Variants in AGGF1 observed in about 807,000 individuals in gnomAD.
AGGF1 encodes the protein angiogenic factor with G-patch and FHA domains 1, also known as angiogenic factor with G patch and FHA domains 1.
A neutral mutation model predicts 86.5 loss-of-function variants in AGGF1; 56 were observed. The observed-to-expected ratio is 0.65, with a 90% CI of 0.52 to 0.81. The LOEUF is 0.81. Among genes scored for constraint, AGGF1 ranks in the 30% least tolerant of loss-of-function variants. The pLI is 0.00. For missense variants in AGGF1, 816 were observed against 850.9 expected (o/e 0.96, Z 0.51); for synonymous variants, 313 against 297.1 (o/e 1.05, Z -0.55).
At position 77,063,224 on chromosome 5, in the gene AGGF1, T is replaced by C. The variant is rs1445710657; in HGVS notation, c.2117T>C (p.Met706Thr). ...CCTCAAAAAGATGACCCAGGGACCATGCCTTGGGTAAAAGGGACTTTAGAG... is the reference window on the plus strand; with the variant it reads ...CCTCAAAAAGATGACCCAGGGACCACGCCTTGGGTAAAAGGGACTTTAGAG... ...TKPQKDDPGTMPWVKGTLE is the reference protein window; with the variant it reads ...TKPQKDDPGTTPWVKGTLE Residue 706 changes from methionine to threonine, a missense_variant, in exon 14 of 14, where the codon ATG becomes ACG. Physicochemically the swap from Met to Thr is moderately conservative, Grantham distance 81 (BLOSUM62 -1). Around this residue, in one of 3 missense-constraint regions of AGGF1, gnomAD observed 565 missense variants for 585.8 expected, o/e 0.96. Coordinates refer to ENST00000312916, the MANE Select transcript of AGGF1 (RefSeq NM_018046.5). 6.2e-7 allele frequency: 1 copy of C among 1,613,768 alleles called. No homozygotes were observed. Among genetic ancestry groups the C allele is most frequent in the South Asian group, 1.1e-5 (1 of 91,080 alleles).
chr5:77,051,393 A>C (rs949303486), intron 8 of AGGF1, among the ~76,000 whole-genome samples: 2 of 151,304 alleles, frequency 1.3e-5, no homozygotes, highest in African/African-American at 4.9e-5. Context: ...AGATCATGCC[A>C]CTGCACTCCG....
chr5:77,053,627 T>A (rs1440908419), intron 9 of AGGF1, among the ~76,000 whole-genome samples: 1 of 152,162 alleles, frequency 6.6e-6, no homozygotes, highest in Non-Finnish European at 1.5e-5. Flanking sequence ...TGTGATGCAT[T>A]TATCCCATTC....
rs916607691 is a variant in AGGF1, at chr5:77,063,316, C to T, written c.*64C>T. On this transcript the variant is annotated 3_prime_UTR_variant, in exon 14 of 14. Transcript: ENST00000312916. ...AATAGAATTTGGAAACTTATTTTTT[C>T]TCCCCAAAAGAATCAGCAGCACAGG... The T allele has an allele frequency of 3.4e-6, 5 of 1,471,738 alleles. No homozygotes were observed. The African/African-American group carries it at 7.1e-5, about 21-fold the overall frequency. 91.2% of individuals were successfully genotyped at this position (1,471,738 alleles called of 1,614,324 possible). A position where few individuals can be genotyped will look rare whatever the true frequency, so the allele number is the denominator to read the frequency against.
In AGGF1 at chr5:77,035,687, G is replaced by A. The variant is rs1181374508; in HGVS notation, c.460G>A (p.Asp154Asn). 9.3e-6 allele frequency: 15 copies of A among 1,613,454 alleles called. No homozygotes were observed. Among genetic ancestry groups the A allele is most frequent in the African/African-American group, 1.3e-5 (1 of 74,880 alleles). ...AGAAAATGATGCTTACCCTGGTACC[G>A]ATAGAACAGAAAATGTTAAATATAG... The part of the protein sequence containing the change: ...QVENDAYPGT[D>N]RTENVKYRQV... Residue 154 changes from aspartate (D) to asparagine (N), a missense_variant, in exon 3 of 14, where the codon GAT becomes AAT. Asp to Asn is a conservative substitution (Grantham distance 23, BLOSUM62 1). Around this residue, in one of 3 missense-constraint regions of AGGF1, gnomAD observed 240 missense variants for 234.4 expected, o/e 1.02. Transcript: ENST00000312916.
At position 77,036,543 on chromosome 5, in the gene AGGF1, A is replaced by T; in HGVS notation, c.517-13A>T. On this transcript the variant is annotated splice_polypyrimidine_tract_variant and intron_variant, in intron 3 of 13. Transcript: ENST00000312916. Reference sequence around the variant, plus strand: ...AGCTTTTGTCTTATTTGGCATGACTATATCTTTTATAGGAGCCAGCATCTG... The same window carrying T: ...AGCTTTTGTCTTATTTGGCATGACTTTATCTTTTATAGGAGCCAGCATCTG... 1.9e-6 allele frequency: 3 copies of T among 1,613,930 alleles called. No homozygotes were observed. Among genetic ancestry groups the T allele is most frequent in the Non-Finnish European group, 2.5e-6 (3 of 1,179,864 alleles).
chr5:77,048,101 C>G, intron 6 of AGGF1, 60 bp from the exon 7 acceptor site: 1 of 1,064,778 alleles, frequency 9.4e-7, no homozygotes, highest in East Asian at 2.4e-5. Flanking sequence ...CCTAGTTATC[C>G]CTATGAAGTT....
Position 77,048,333 on chromosome 5 carries a change from G to A in AGGF1, c.1313+61G>A. The A allele has an allele frequency of 2.2e-6, 3 of 1,335,664 alleles. No individual in the cohort carries two copies. The South Asian group carries it at 3.6e-5, about 16-fold the overall frequency. The allele number at this position is 1,335,664 out of a possible 1,614,324, so 82.7% of individuals were successfully genotyped here. A position where few individuals can be genotyped will look rare whatever the true frequency, so the allele number is the denominator to read the frequency against. On this transcript the variant is annotated intron_variant, in intron 7 of 13. Coordinates refer to ENST00000312916, the MANE Select transcript of AGGF1 (RefSeq NM_018046.5). ...TTATTTCAGAAAGGCTTTATTAAGA[G>A]CATGTATTTTTGTTTGTTTGTTTGT...
intron 5 of AGGF1, among the ~76,000 whole-genome samples, chr5:77,044,932 G>T (rs1466375975): frequency 6.6e-6 from 1 of 152,064 alleles, no homozygotes; most frequent in Non-Finnish European, 1.5e-5. Context: ...GTATGGTGGT[G>T]CGCATGCCTG....
Position 77,030,489 on chromosome 5 carries a change from G to A in AGGF1, c.-278G>A, listed in dbSNP as rs1746817818. 1 of 636,226 alleles carries A rather than the reference G, an allele frequency of 1.6e-6. No homozygotes were observed. Among genetic ancestry groups the A allele is most frequent in the Admixed American group, 2.1e-5 (1 of 47,844 alleles). The allele number at this position is 636,226 out of a possible 1,614,324, so 39.4% of individuals were successfully genotyped here. On this transcript the variant is annotated 5_prime_UTR_variant, in exon 1 of 14. Coordinates refer to ENST00000312916, the MANE Select transcript of AGGF1 (RefSeq NM_018046.5). ...CTGCTTATCCGACGCTCCTCCCTCT[G>A]TCTCTGTAGCTGGAGAAGGTAGTTT...
In AGGF1 at chr5:77,061,798, C is replaced by T. The variant is rs748063597; in HGVS notation, c.1940C>T (p.Thr647Met). 50 of 1,610,212 alleles carry T rather than the reference C, an allele frequency of 3.1e-5. No homozygotes were observed. Among genetic ancestry groups the T allele is most frequent in the Middle Eastern group, 1.6e-4 (1 of 6,066 alleles). The stretch of plus-strand genomic sequence containing the variant: ...GGGAAGGATGGTGGAGGAATGAAAA[C>T]GCCGGTAAGACTTGGATTTTCTTTT... ...GLGKDGGGMK[T>M]PIQLQLRRTH... Residue 647 changes from threonine to methionine, a missense_variant, in exon 13 of 14, where the codon ACG becomes ATG. Thr to Met is a moderately conservative substitution (Grantham distance 81). Transcript: ENST00000312916.
intron 3 of AGGF1, chr5:77,036,172 A>G (rs557785593): frequency 4.1e-4 from 109 of 268,978 alleles, no homozygotes; most frequent in African/African-American, 2.4e-3. Context: ...GATATATCTC[A>G]TTTAATCTAC....
At position 77,030,814 on chromosome 5, in the gene AGGF1, C is replaced by T. The variant is rs780099079; in HGVS notation, c.48C>T (p.Thr16=). Residue 16 remains threonine (T), a synonymous_variant, in exon 1 of 14, where the codon ACC becomes ACT. Coordinates refer to ENST00000312916, the MANE Select transcript of AGGF1 (RefSeq NM_018046.5). ...CGCCGCGGTCGCCGCCGCCGCCCAC[C>T]TCCCCCGAGCCTGAGCTGGCCCAGC... ...PSPPRSPPPP[T]SPEPELAQLR... 3.1e-6 allele frequency: 5 copies of T among 1,606,844 alleles called. No homozygotes were observed. Among genetic ancestry groups the T allele is most frequent in the Non-Finnish European group, 4.2e-6 (5 of 1,178,552 alleles).
chr5:77,056,672 C>T (rs1241609187), intron 11 of AGGF1, among the ~76,000 whole-genome samples: 1 of 151,332 alleles, frequency 6.6e-6, no homozygotes, highest in Non-Finnish European at 1.5e-5. Flanking sequence ...AAAAGTAAAA[C>T]CTAAAACTTT....
chr5:77,040,570 A>G (rs1747058173), intron 5 of AGGF1, among the ~76,000 whole-genome samples: 1 of 152,190 alleles, frequency 6.6e-6, no homozygotes, highest in South Asian at 2.1e-4. Context: ...TTCAGATGGT[A>G]CTTGTAAAGA....
intron 11 of AGGF1, among the ~76,000 whole-genome samples, chr5:77,056,226 C>CT (rs770417117): frequency 0.53 from 55,121 of 104,470 alleles, 16,487 homozygotes; most frequent in Non-Finnish European, 0.61. Context: ...AAAGAGTGGT[C>CT]TTTTTTTTTT....
rs1747421268 is a variant in AGGF1, at chr5:77,054,079, C to T, written c.1582C>T (p.Pro528Ser). ...CAGTGATACCTGTGATGGCTGTGAA[C>T]CAGGGCAGGTTAGAGCCCACCTTCG... The part of the protein sequence containing the change: ...PGSDTCDGCE[P>S]GQVRAHLRLD... Residue 528 changes from proline (P) to serine (S), a missense_variant, in exon 10 of 14, where the codon CCA (proline) becomes TCA (serine). This residue lies in a region of AGGF1 where 565 missense variants were observed against 585.8 expected (regional missense o/e 0.96). Coordinates refer to ENST00000312916, the MANE Select transcript of AGGF1 (RefSeq NM_018046.5). 5.6e-6 allele frequency: 9 copies of T among 1,614,142 alleles called. No homozygotes were observed. The highest frequency in any genetic ancestry group is 7.6e-6 in the Non-Finnish European group (9 of 1,180,022).
intron 11 of AGGF1, among the ~76,000 whole-genome samples, chr5:77,057,310 AT>A (rs970859241): frequency 3.3e-5 from 5 of 150,288 alleles, no homozygotes; most frequent in African/African-American, 9.7e-5. Flanking sequence ...TGTTCATTGC[AT>A]TTTTTTTTTG....
rs767658855 is a variant in AGGF1, at chr5:77,052,481, T to C, written c.1366-225T>C. On this transcript the variant is annotated intron_variant, in intron 8 of 13. Transcript: ENST00000312916. ...ACCAAAGGAGAAGAGGTAGGACATA[T>C]TCTAAATTTTTCATGGTAATTAAAG... Among the ~76,000 whole-genome samples, 7 of 152,296 alleles carry C rather than the reference T, an allele frequency of 4.6e-5. No individual in the cohort carries two copies. In the East Asian group the frequency reaches 7.7e-4, roughly 17 times the overall value.
chr5:77,064,531 A>G lies in AGGF1; in HGVS notation c.*1279A>G, dbSNP rs997994788. The G allele has an allele frequency of 1.3e-5, 2 of 152,236 alleles. No homozygotes were observed. The highest frequency in any genetic ancestry group is 2.1e-4 in the South Asian group (1 of 4,832). 9.4% of individuals were successfully genotyped at this position (152,236 alleles called of 1,614,324 possible). On this transcript the variant is annotated 3_prime_UTR_variant, in exon 14 of 14. Transcript: ENST00000312916. Reference sequence around the variant, plus strand: ...AAAAGGGGATGGAGAAGGAGAAACTATGACTAAAGATGAGAGGTATGAACG... The same window carrying G: ...AAAAGGGGATGGAGAAGGAGAAACTGTGACTAAAGATGAGAGGTATGAACG...
Sources: gnomAD v4.1 joint callset for allele counts (sites outside exome capture counted in the v4.1 genomes callset) on GRCh38, gnomAD v4.1.1 for gene constraint, gnomAD v4.1.1 regional missense constraint, MANE v1.5 for transcripts, NCBI Gene and HGNC (gene_info 2026-07-23, HGNC 2026-07-21) for gene names.